ARMC8: variants seen among roughly 807,000 people sequenced by gnomAD.
ARMC8 encodes the protein armadillo repeat-containing protein 8.
ARMC8 carries 20 observed loss-of-function variants against 99.3 expected under a neutral mutation model. That is an observed-to-expected ratio of 0.20 (90% CI 0.14 to 0.29). ARMC8 has a LOEUF of 0.29. Among genes scored for constraint, ARMC8 ranks in the 10% least tolerant of loss-of-function variants. The probability of loss-of-function intolerance (pLI) is 1.00; values close to 1 mark genes in which losing one functional copy is unlikely to be tolerated. For synonymous variants in ARMC8, 263 were observed against 278.3 expected, an observed-to-expected ratio of 0.95 and a Z score of 0.55; for missense variants, 569 against 809.5, an observed-to-expected ratio of 0.70 and a Z score of 3.60.
chr3:138,263,702 A>T (rs371229200), intron 12 of ARMC8, 37 bp from the exon 13 acceptor site: 1 of 1,530,312 alleles, frequency 6.5e-7, no homozygotes, highest in Non-Finnish European at 9.1e-7. Context: ...TGTCACCTTC[A>T]TGTTGTTATT....
chr3:138,267,670 G>A (rs924374218), intron 15 of ARMC8, among the ~76,000 whole-genome samples: 2 of 152,078 alleles, frequency 1.3e-5, no homozygotes, highest in Non-Finnish European at 2.9e-5. Context: ...TAATGTTAAT[G>A]GTAGTTGTTT....
In ARMC8 at chr3:138,244,161, C is replaced by T. The variant is rs545663065; in HGVS notation, c.1039-927C>T. Among the ~76,000 whole-genome samples, 22 of 152,110 alleles carry T rather than the reference C, an allele frequency of 1.4e-4. No homozygotes were observed. In the South Asian group the frequency reaches 4.0e-3, roughly 27 times the overall value. ...ATAATGTTCTTGAAAAAACCCATAC[C>T]CAACATAAATCTCAGATAACTGTAA... On this transcript the variant is annotated intron_variant, in intron 11 of 21. Transcript: ENST00000469044.
At chr3:138,194,491 C>T (rs1170832705) in intron 1 of ARMC8, among the ~76,000 whole-genome samples, 1 of 151,420 alleles carries the variant, frequency 6.6e-6, no homozygotes, top group Non-Finnish European at 1.5e-5. Flanking sequence ...GCACCTGCCA[C>T]CACACCCAGC....
intron 19 of ARMC8, among the ~76,000 whole-genome samples, chr3:138,288,431 C>G (rs955543316): frequency 6.6e-6 from 1 of 152,200 alleles, no homozygotes. Flanking sequence ...AAATTGCAAA[C>G]TGTACCCATA....
chr3:138,258,123 G>A (rs1282921087), intron 12 of ARMC8, among the ~76,000 whole-genome samples: 4 of 152,162 alleles, frequency 2.6e-5, no homozygotes, highest in Non-Finnish European at 4.4e-5. Context: ...AGTGATTGAT[G>A]TTAAGAGAGA....
At chr3:138,271,798 C>CTTTTTTTTT (rs776320900) in intron 16 of ARMC8, among the ~76,000 whole-genome samples, 6 of 136,136 alleles carry the variant, frequency 4.4e-5, no homozygotes, top group African/African-American at 1.7e-4. Flanking sequence ...TTTTTTCTTT[C>CTTTTTTTTT]TTTTTTTTTT....
chr3:138,187,725 GC>G, intron 1 of ARMC8, 126 bp downstream of exon 1: 1 of 1,056,606 alleles, frequency 9.5e-7, no homozygotes, highest in Non-Finnish European at 1.4e-6. Context: ...TCAGTCTCGG[GC>G]CAGGGAGTGA....
intron 12 of ARMC8, among the ~76,000 whole-genome samples, chr3:138,258,710 A>T (rs915417559): frequency 8.5e-5 from 13 of 152,366 alleles, no homozygotes; most frequent in African/African-American, 2.9e-4. Flanking sequence ...AAAGCATGTC[A>T]TAAAAGCTAA....
At chr3:138,245,866 A>G in intron 12 of ARMC8, 1 of 985,548 alleles carries the variant, frequency 1.0e-6, no homozygotes, top group Non-Finnish European at 1.2e-6. Flanking sequence ...ACAAACCAAA[A>G]AGCTGGAACT....
rs1576728691 is a variant in ARMC8, at chr3:138,239,509, A to G, written c.818A>G (p.Asp273Gly). 6.2e-7 allele frequency: 1 copy of G among 1,600,228 alleles called. No homozygotes were observed. The highest frequency in any genetic ancestry group is 8.5e-7 in the Non-Finnish European group (1 of 1,173,002). The change falls in exon 10 of 22, where the codon GAT (aspartate) becomes GGT (glycine). Residue 273 changes from aspartate (D) to glycine (G), a missense_variant. Asp to Gly is a moderately conservative substitution (Grantham distance 94). Transcript: ENST00000469044. ...AGAGCTGGAGCAATTCGGACAGATGATAACTGTATTGTATTAAAGGTAAGC... is the reference window on the plus strand; with the variant it reads ...AGAGCTGGAGCAATTCGGACAGATGGTAACTGTATTGTATTAAAGGTAAGC... The part of the protein sequence containing the change: ...MCRAGAIRTD[D>G]NCIVLKTLPC...
intron 12 of ARMC8, among the ~76,000 whole-genome samples, chr3:138,255,797 TG>T (rs1458241072): frequency 6.6e-6 from 1 of 152,134 alleles, no homozygotes; most frequent in East Asian, 1.9e-4. Context: ...CTGGCCAACA[TG>T]GTGAAACCCC....
chr3:138,277,402 T>G (rs1195253657), intron 18 of ARMC8, among the ~76,000 whole-genome samples: 1 of 152,204 alleles, frequency 6.6e-6, no homozygotes, highest in Non-Finnish European at 1.5e-5. Flanking sequence ...GGTAAATTGG[T>G]CTTCATCAAA....
At chr3:138,252,512 G>C (rs1467823432) in intron 12 of ARMC8, among the ~76,000 whole-genome samples, 1 of 147,016 alleles carries the variant, frequency 6.8e-6, no homozygotes, top group Non-Finnish European at 1.5e-5. Context: ...GGAGTGCTGT[G>C]GCACGATCTC....
rs769555407 is a variant in ARMC8 at position 138,241,783 on chromosome 3, A to G, written c.838A>G (p.Thr280Ala). ...RTDDNCIVLK[T>A]LPCLVRMCSK... ...AATAATTAATCTCACTACCTTTCAG[A>G]CATTACCTTGTTTGGTTCGAATGTG... Residue 280 changes from threonine to alanine, a missense_variant and splice_region_variant, in exon 11 of 22, where the codon ACA becomes GCA. Coordinates refer to ENST00000469044, the MANE Select transcript of ARMC8 (RefSeq NM_001363941.2). 6.2e-7 allele frequency: 1 copy of G among 1,613,866 alleles called. No homozygotes were observed. Among genetic ancestry groups the G allele is most frequent in the South Asian group, 1.1e-5 (1 of 91,068 alleles).
intron 1 of ARMC8, among the ~76,000 whole-genome samples, chr3:138,204,818 C>G (rs1242450275): frequency 3.9e-5 from 6 of 152,112 alleles, no homozygotes; most frequent in Non-Finnish European, 8.8e-5. Flanking sequence ...GGATCACTCC[C>G]TTAGTTAATT....
chr3:138,223,820 C>CACAGTTATGA, intron 5 of ARMC8, 87 bp downstream of exon 5: 1 of 1,150,958 alleles, frequency 8.7e-7, no homozygotes, highest in Non-Finnish European at 1.3e-6. Context: ...CTCATCATAA[C>CACAGTTATGA]TGTGTTATGT....
At chr3:138,275,665 G>T (rs2049220049) in intron 18 of ARMC8, among the ~76,000 whole-genome samples, 1 of 152,136 alleles carries the variant, frequency 6.6e-6, no homozygotes. Context: ...CTAACTTCAG[G>T]GGCTGTGCTT....
chr3:138,237,607 G>A (rs760637129), intron 9 of ARMC8, 35 bp downstream of exon 9: 1 of 1,549,468 alleles, frequency 6.5e-7, no homozygotes, highest in East Asian at 2.3e-5. Flanking sequence ...GAAAGACAGT[G>A]CTTTATCAAT....
chr3:138,289,015 TTTTGA>T, intron 19 of ARMC8, 28 bp from the exon 20 acceptor site: 1 of 1,569,480 alleles, frequency 6.4e-7, no homozygotes, highest in Non-Finnish European at 8.7e-7. Context: ...ATTACCACCA[TTTTGA>T]TTTTTTTTTC....
Sources: gnomAD v4.1 joint callset for allele counts (sites outside exome capture counted in the v4.1 genomes callset) on GRCh38, gnomAD v4.1.1 for gene constraint, MANE v1.5 for transcripts, NCBI Gene and HGNC (gene_info 2026-07-23, HGNC 2026-07-21) for gene names.